Variants in LYPD6 observed in about 807,000 individuals in gnomAD.
LYPD6 encodes LY6/PLAUR domain containing 6, also known as ly6/PLAUR domain-containing protein 6.
A neutral mutation model predicts 22.7 loss-of-function variants in LYPD6; 15 were observed. The observed-to-expected ratio is 0.66, with a 90% confidence interval of 0.44 to 1.02. The LOEUF is 1.02. Ranked by LOEUF, LYPD6 falls within the 50% of genes least tolerant of loss-of-function variation. The pLI, the probability that LYPD6 is intolerant of heterozygous loss-of-function variation, is 0.00. For synonymous variants in LYPD6, 72 were observed against 77.5 expected (o/e 0.93, Z 0.37); for missense variants, 189 against 208.4 (o/e 0.91, Z 0.57).
chr2:149,466,007 G>A (rs1681192264), intron 3 of LYPD6, among the ~76,000 whole-genome samples: 1 of 152,086 alleles, frequency 6.6e-6, no homozygotes, highest in Non-Finnish European at 1.5e-5. Context: ...GAAGTTATCA[G>A]CAGGCTTGAT....
chr2:149,486,012 A>ATAT, the LYPD6 span, among the ~76,000 whole-genome samples: 1 of 152,228 alleles, frequency 6.6e-6, no homozygotes, highest in Non-Finnish European at 1.5e-5. Flanking sequence ...CTCAATGCAC[A>ATAT]TATTTCTAAT....
chr2:149,360,863 C>T (rs1299068202), intron 1 of LYPD6, among the ~76,000 whole-genome samples: 3 of 152,182 alleles, frequency 2.0e-5, no homozygotes, highest in African/African-American at 7.2e-5. Flanking sequence ...ATCTGCCAGA[C>T]TCTGATCACA....
intron 1 of LYPD6, among the ~76,000 whole-genome samples, chr2:149,379,502 T>G (rs1006392697): frequency 5.9e-5 from 9 of 152,304 alleles, no homozygotes; most frequent in African/African-American, 2.2e-4. Flanking sequence ...TTGGAAAAAA[T>G]TCTGGGTTAG....
In LYPD6 at chr2:149,471,911, C is replaced by G. The variant is rs886116515; in HGVS notation, c.*1061C>G. On this transcript the variant is annotated 3_prime_UTR_variant, in exon 5 of 5. Transcript: ENST00000334166. Reference sequence around the variant, plus strand: ...AATTGTCTTTCGAATGATGGGGAAGCAAGGCATAATATGCGATGATGAGGA... The same window carrying G: ...AATTGTCTTTCGAATGATGGGGAAGGAAGGCATAATATGCGATGATGAGGA... The G allele has an allele frequency of 6.6e-6, 1 of 152,534 alleles. No individual in the cohort carries two copies. The highest frequency in any genetic ancestry group is 2.1e-4 in the South Asian group (1 of 4,826). 9.4% of individuals were successfully genotyped at this position (152,534 alleles called of 1,614,324 possible). A position where few individuals can be genotyped will look rare whatever the true frequency, so the allele number is the denominator to read the frequency against.
intron 1 of LYPD6, among the ~76,000 whole-genome samples, chr2:149,414,751 T>G (rs1457171706): frequency 6.6e-6 from 1 of 152,210 alleles, no homozygotes; most frequent in Non-Finnish European, 1.5e-5. Context: ...AAATACCCCA[T>G]GAACTGAAAG....
intron 1 of LYPD6, among the ~76,000 whole-genome samples, chr2:149,366,375 G>T (rs564414499): frequency 6.6e-6 from 1 of 152,320 alleles, no homozygotes; most frequent in South Asian, 2.1e-4. Flanking sequence ...GCCATTCCAT[G>T]CTGGGCTTGA....
chr2:149,348,795 T>C (rs956942351), intron 1 of LYPD6, among the ~76,000 whole-genome samples: 4 of 152,148 alleles, frequency 2.6e-5, no homozygotes, highest in Non-Finnish European at 5.9e-5. Flanking sequence ...AGAATAAATA[T>C]AGGAAGGCAA....
intron 1 of LYPD6, among the ~76,000 whole-genome samples, chr2:149,372,885 A>G (rs2105079378): frequency 6.6e-6 from 1 of 152,224 alleles, no homozygotes; most frequent in East Asian, 1.9e-4. Flanking sequence ...GAATACAAAA[A>G]TTTTCATCTA....
intron 1 of LYPD6, among the ~76,000 whole-genome samples, chr2:149,400,196 T>C (rs1469012907): frequency 6.6e-6 from 1 of 152,252 alleles, no homozygotes; most frequent in Non-Finnish European, 1.5e-5. Flanking sequence ...GCTGCAGTAG[T>C]GTGTCCACTG....
chr2:149,442,289 C>T (rs961529308), intron 2 of LYPD6, among the ~76,000 whole-genome samples: 24 of 152,084 alleles, frequency 1.6e-4, no homozygotes, highest in African/African-American at 5.8e-4. Flanking sequence ...AGGCCTTTGT[C>T]TAGGCAAAAG....
At chr2:149,470,660 CT>C (rs1301323237) in intron 4 of LYPD6, 22 bp from the exon 5 acceptor site, 3 of 1,601,970 alleles carry the variant, frequency 1.9e-6, no homozygotes, top group South Asian at 1.1e-5. Context: ...TTCTCATTAT[CT>C]TTTTTTCTTC....
chr2:149,461,026 GAAAAT>G (rs1681076387), intron 3 of LYPD6, among the ~76,000 whole-genome samples: 1 of 151,836 alleles, frequency 6.6e-6, no homozygotes, highest in Non-Finnish European at 1.5e-5. Flanking sequence ...TTAAAAACAG[GAAAAT>G]CAATTCTCTA....
At chr2:149,386,250 T>TA (rs1296058953) in intron 1 of LYPD6, among the ~76,000 whole-genome samples, 1 of 152,214 alleles carries the variant, frequency 6.6e-6, no homozygotes, top group African/African-American at 2.4e-5. Flanking sequence ...TACCTAGATT[T>TA]AGAGTATTTT....
chr2:149,481,682 A>G, the LYPD6 span, among the ~76,000 whole-genome samples: 2 of 152,250 alleles, frequency 1.3e-5, no homozygotes, highest in South Asian at 4.1e-4. Flanking sequence ...GTCAAATGAG[A>G]ATAGTGCTAA....
At chr2:149,402,027 G>A (rs1223949585) in intron 1 of LYPD6, among the ~76,000 whole-genome samples, 4 of 152,004 alleles carry the variant, frequency 2.6e-5, no homozygotes, top group African/African-American at 9.7e-5. Context: ...ATTCATGAGA[G>A]GCTTAAAACC....
chr2:149,458,057 C>T (rs1681003909), intron 3 of LYPD6, among the ~76,000 whole-genome samples: 1 of 152,238 alleles, frequency 6.6e-6, no homozygotes. Flanking sequence ...AGCTGCTCTA[C>T]TGCAGCAAAA....
intron 1 of LYPD6, among the ~76,000 whole-genome samples, chr2:149,364,830 G>A (rs1228353524): frequency 1.3e-5 from 2 of 152,124 alleles, no homozygotes; most frequent in African/African-American, 2.4e-5. Flanking sequence ...CATATCTCAC[G>A]GCAACTTTGT....
chr2:149,442,684 A>G (rs1413055353), intron 2 of LYPD6, among the ~76,000 whole-genome samples: 1 of 152,102 alleles, frequency 6.6e-6, no homozygotes. Context: ...TGCAGTATCA[A>G]TTAGCAAGTT....
At chr2:149,358,174 G>A (rs968089691) in intron 1 of LYPD6, among the ~76,000 whole-genome samples, 4 of 152,008 alleles carry the variant, frequency 2.6e-5, no homozygotes, top group Non-Finnish European at 4.4e-5. Context: ...ATGTTTTCTG[G>A]ACCTATAAAT....
Sources: gnomAD v4.1 joint callset for allele counts (sites outside exome capture counted in the v4.1 genomes callset) on GRCh38, gnomAD v4.1.1 for gene constraint, MANE v1.5 for transcripts, NCBI Gene and HGNC (gene_info 2026-07-23, HGNC 2026-07-21) for gene names.